TBCK: variants seen among roughly 807,000 people sequenced by gnomAD.
TBCK encodes TBC domain-containing protein kinase-like protein.
TBCK carries 99 observed loss-of-function variants against 113.4 expected under a neutral mutation model. The ratio of observed to expected loss-of-function variants is 0.87; its 90% CI spans 0.74 to 1.03. TBCK has a LOEUF of 1.03. Among genes scored for constraint, TBCK ranks in the 50% least tolerant of loss-of-function variants. TBCK has a pLI of 0.00. For synonymous variants in TBCK, 369 were observed against 370.8 expected (o/e 1.00, Z 0.05); for missense variants, 1,045 against 1,061.3 (o/e 0.98, Z 0.21).
intron 20 of TBCK, among the ~76,000 whole-genome samples, chr4:106,206,446 C>G (rs1755510311): frequency 6.6e-6 from 1 of 152,120 alleles, no homozygotes; most frequent in African/African-American, 2.4e-5. Context: ...CATTTGTATT[C>G]AAAGGCCTTA....
intron 2 of TBCK, among the ~76,000 whole-genome samples, chr4:106,305,755 A>C (rs1767451158): frequency 6.6e-6 from 1 of 152,182 alleles, no homozygotes; most frequent in Admixed American, 6.5e-5. Context: ...CTGATAAAAC[A>C]GGATGCAGTG....
At chr4:106,112,002 T>C (rs1742914266) in intron 24 of TBCK, among the ~76,000 whole-genome samples, 1 of 152,150 alleles carries the variant, frequency 6.6e-6, no homozygotes, top group Admixed American at 6.5e-5. Context: ...AGCAAGCTAT[T>C]TCTCAGAGAC....
chr4:106,149,629 T>C (rs1011311015), intron 23 of TBCK, among the ~76,000 whole-genome samples: 3 of 152,124 alleles, frequency 2.0e-5, no homozygotes, highest in Admixed American at 6.6e-5. Context: ...CCAAAACAAG[T>C]ACAATAGCAA....
intron 25 of TBCK, among the ~76,000 whole-genome samples, chr4:106,067,950 T>C (rs867256371): frequency 7.9e-5 from 12 of 152,206 alleles, no homozygotes; most frequent in Non-Finnish European, 1.6e-4. Context: ...TTTTTCAAGA[T>C]TGTTTTGGGT....
At chr4:106,243,135 A>G (rs1052521486) in intron 11 of TBCK, among the ~76,000 whole-genome samples, 3 of 152,102 alleles carry the variant, frequency 2.0e-5, no homozygotes, top group Admixed American at 1.3e-4. Flanking sequence ...ATTGCATATA[A>G]AACAATGTAT....
intron 20 of TBCK, among the ~76,000 whole-genome samples, chr4:106,211,173 A>C (rs978251370): frequency 1.3e-5 from 2 of 152,162 alleles, no homozygotes; most frequent in Non-Finnish European, 2.9e-5. Flanking sequence ...GAAAATAATT[A>C]TCTTTTTTAG....
chr4:106,294,606 T>C (rs899269436), intron 3 of TBCK, among the ~76,000 whole-genome samples: 37 of 152,074 alleles, frequency 2.4e-4, no homozygotes, highest in African/African-American at 8.4e-4. Context: ...CTCAGCCTCC[T>C]GAGTAGCTGG....
intron 25 of TBCK, among the ~76,000 whole-genome samples, chr4:106,057,726 C>T (rs1735589639): frequency 6.6e-6 from 1 of 151,746 alleles, no homozygotes; most frequent in Non-Finnish European, 1.5e-5. Flanking sequence ...CAGAATTCCT[C>T]ACTTAGATGA....
chr4:106,172,961 T>G (rs1751210409), intron 22 of TBCK, among the ~76,000 whole-genome samples: 1 of 152,100 alleles, frequency 6.6e-6, no homozygotes, highest in Non-Finnish European at 1.5e-5. Flanking sequence ...TACTATAAGG[T>G]TATAAGGCAT....
intron 22 of TBCK, among the ~76,000 whole-genome samples, chr4:106,186,632 C>A (rs1321415159): frequency 6.6e-6 from 1 of 152,066 alleles, no homozygotes; most frequent in African/African-American, 2.4e-5. Flanking sequence ...GGATAGTAGA[C>A]CTTTGTCAAA....
At chr4:106,281,265 T>C (rs1056722006) in intron 3 of TBCK, among the ~76,000 whole-genome samples, 1 of 151,960 alleles carries the variant, frequency 6.6e-6, no homozygotes, top group Non-Finnish European at 1.5e-5. Flanking sequence ...TGATTTTGTA[T>C]CATGCAACTT....
intron 23 of TBCK, among the ~76,000 whole-genome samples, chr4:106,142,466 A>T (rs969518415): frequency 6.6e-6 from 1 of 152,196 alleles, no homozygotes; most frequent in East Asian, 1.9e-4. Context: ...TAATTTTTGA[A>T]TCTCATATAA....
chr4:106,315,832 C>T (rs1768772518), intron 1 of TBCK, 99 bp downstream of exon 1: 1 of 152,510 alleles, frequency 6.6e-6, no homozygotes, highest in Non-Finnish European at 1.5e-5. Context: ...TCTATCTATT[C>T]TGAAGACATG....
At chr4:106,235,457 T>A in intron 14 of TBCK, 90 bp from the exon 15 acceptor site, 1 of 727,346 alleles carries the variant, frequency 1.4e-6, no homozygotes, top group South Asian at 2.8e-5. Context: ...ATGATAAAAC[T>A]TAAGTGACTT....
intron 22 of TBCK, among the ~76,000 whole-genome samples, chr4:106,189,217 C>T (rs1478189002): frequency 6.6e-6 from 1 of 151,528 alleles, no homozygotes; most frequent in African/African-American, 2.4e-5. Flanking sequence ...CTGCTAAAAC[C>T]TCCAAATTTA....
At chr4:106,216,280 G>A (rs1329181211) in intron 19 of TBCK, among the ~76,000 whole-genome samples, 5 of 150,746 alleles carry the variant, frequency 3.3e-5, no homozygotes, top group Non-Finnish European at 5.9e-5. Context: ...ATCCAAAATT[G>A]ACACCCTAAC....
chr4:106,315,394 TTTC>T (rs1213159998), intron 1 of TBCK: 1 of 152,210 alleles, frequency 6.6e-6, no homozygotes, highest in African/African-American at 2.4e-5. Flanking sequence ...AAATTTCACA[TTTC>T]TTCAACAGGA....
At chr4:106,240,864 T>C (rs905652540) in intron 12 of TBCK, among the ~76,000 whole-genome samples, 3 of 152,072 alleles carry the variant, frequency 2.0e-5, no homozygotes, top group Non-Finnish European at 2.9e-5. Flanking sequence ...ATGTTAATTA[T>C]AGAATCTAGG....
At chr4:106,109,974 G>A (rs956297118) in intron 24 of TBCK, among the ~76,000 whole-genome samples, 4 of 151,948 alleles carry the variant, frequency 2.6e-5, no homozygotes, top group East Asian at 1.9e-4. Flanking sequence ...GCCCGAGAGC[G>A]AAGGTTACAT....
Sources: gnomAD v4.1 joint callset for allele counts (sites outside exome capture counted in the v4.1 genomes callset) on GRCh38, gnomAD v4.1.1 for gene constraint, MANE v1.5 for transcripts, NCBI Gene and HGNC (gene_info 2026-07-23, HGNC 2026-07-21) for gene names.